The following CCDC60 variants were observed in gnomAD, a reference collection of about 807,000 sequenced individuals.
CCDC60 encodes the protein coiled-coil domain-containing protein 60.
In CCDC60, 54 loss-of-function variants were observed where a neutral mutation model predicts 63.5. The ratio of observed to expected loss-of-function variants is 0.85; its 90% CI spans 0.68 to 1.07. The LOEUF is 1.07. CCDC60 is among the 50% of genes least tolerant of loss of function. The probability of loss-of-function intolerance (pLI) is 0.00; values close to 1 mark genes in which losing one functional copy is unlikely to be tolerated. For synonymous variants in CCDC60, 206 were observed against 238.8 expected (o/e 0.86, Z 1.27); for missense variants, 651 against 684.3 (o/e 0.95, Z 0.54).
At chr12:119,461,734 G>A (rs577614698) in intron 2 of CCDC60, among the ~76,000 whole-genome samples, 2 of 152,154 alleles carry the variant, frequency 1.3e-5, no homozygotes, top group South Asian at 2.1e-4. Flanking sequence ...GTTTTACATC[G>A]CACAAAGCAG....
intron 4 of CCDC60, among the ~76,000 whole-genome samples, chr12:119,480,738 C>A (rs557309326): frequency 6.6e-6 from 1 of 150,890 alleles, no homozygotes; most frequent in South Asian, 2.1e-4. Flanking sequence ...CCACCATCAT[C>A]ATCACCATCA....
At chr12:119,349,617 G>A (rs1955634377) in intron 1 of CCDC60, among the ~76,000 whole-genome samples, 1 of 150,970 alleles carries the variant, frequency 6.6e-6, no homozygotes, top group Non-Finnish European at 1.5e-5. Context: ...TGGATTATAG[G>A]CGTGAGCCAC....
At chr12:119,345,462 AC>A (rs1955581768) in intron 1 of CCDC60, among the ~76,000 whole-genome samples, 2 of 152,124 alleles carry the variant, frequency 1.3e-5, no homozygotes, top group Non-Finnish European at 2.9e-5. Context: ...AGATCATGCC[AC>A]TGCACTCCAG....
At chr12:119,396,738 C>G (rs1956262277) in intron 1 of CCDC60, among the ~76,000 whole-genome samples, 1 of 152,094 alleles carries the variant, frequency 6.6e-6, no homozygotes, top group East Asian at 1.9e-4. Flanking sequence ...AATAATTAGA[C>G]AAGTGTCTGG....
intron 1 of CCDC60, among the ~76,000 whole-genome samples, chr12:119,382,328 G>A (rs1352834369): frequency 1.3e-5 from 2 of 152,172 alleles, no homozygotes; most frequent in Non-Finnish European, 2.9e-5. Flanking sequence ...CTGATGCTCG[G>A]CTGTGTGACA....
chr12:119,457,047 T>C (rs1950762128), intron 2 of CCDC60, among the ~76,000 whole-genome samples: 1 of 152,196 alleles, frequency 6.6e-6, no homozygotes, highest in Non-Finnish European at 1.5e-5. Flanking sequence ...ACAAGCAATC[T>C]TTCTGTTCTA....
intron 1 of CCDC60, among the ~76,000 whole-genome samples, chr12:119,390,103 T>C (rs919716235): frequency 2.0e-5 from 3 of 152,230 alleles, no homozygotes; most frequent in Admixed American, 1.3e-4. Context: ...CACTATTACA[T>C]GTAATGCTAC....
intron 11 of CCDC60, 64 bp downstream of exon 11, chr12:119,523,882 C>G: frequency 6.6e-7 from 1 of 1,522,674 alleles, no homozygotes; most frequent in Non-Finnish European, 9.0e-7. Flanking sequence ...ATATGCCTGC[C>G]AGGTGCCAGG....
At chr12:119,404,992 A>C (rs1956460787) in intron 1 of CCDC60, among the ~76,000 whole-genome samples, 1 of 152,210 alleles carries the variant, frequency 6.6e-6, no homozygotes, top group East Asian at 1.9e-4. Context: ...ACCCCAGGAA[A>C]GCATGAAAAT....
intron 7 of CCDC60, among the ~76,000 whole-genome samples, chr12:119,513,456 T>A (rs1593198271): frequency 6.6e-6 from 1 of 152,186 alleles, no homozygotes; most frequent in Non-Finnish European, 1.5e-5. Context: ...GTGCTGGCAA[T>A]CCTTGGCATT....
At chr12:119,468,084 C>T (rs548845245) in intron 2 of CCDC60, among the ~76,000 whole-genome samples, 84 of 151,354 alleles carry the variant, frequency 5.5e-4, no homozygotes, top group Non-Finnish European at 1.1e-3. Flanking sequence ...ACCAGCCTGG[C>T]CAATATAGTG....
At chr12:119,479,548 C>T (rs886436890) in intron 4 of CCDC60, 1 of 222,364 alleles carries the variant, frequency 4.5e-6, no homozygotes, top group Non-Finnish European at 8.9e-6. Flanking sequence ...TTCCCCAAGA[C>T]TCAAGGAGCT....
At chr12:119,433,039 C>A (rs2136241065) in intron 2 of CCDC60, among the ~76,000 whole-genome samples, 1 of 152,278 alleles carries the variant, frequency 6.6e-6, no homozygotes, top group South Asian at 2.1e-4. Flanking sequence ...GCTCTGTGTT[C>A]ACTGACGTCA....
intron 2 of CCDC60, among the ~76,000 whole-genome samples, chr12:119,468,127 T>C (rs187376933): frequency 2.2e-3 from 339 of 151,564 alleles, no homozygotes; most frequent in African/African-American, 7.7e-3. Flanking sequence ...AAAAATAAAA[T>C]AAATAAATAA....
At chr12:119,468,635 C>A (rs1950998724) in intron 2 of CCDC60, among the ~76,000 whole-genome samples, 1 of 151,992 alleles carries the variant, frequency 6.6e-6, no homozygotes, top group African/African-American at 2.4e-5. Flanking sequence ...TGAGTCTAAA[C>A]CACCATCAAA....
At chr12:119,370,980 C>T (rs1490033837) in intron 1 of CCDC60, among the ~76,000 whole-genome samples, 1 of 152,130 alleles carries the variant, frequency 6.6e-6, no homozygotes, top group East Asian at 1.9e-4. Context: ...TGCAGTGAGC[C>T]ATGACCATAG....
At position 119,417,492 on chromosome 12, in the gene CCDC60, C is replaced by G. The variant is rs148195448; in HGVS notation, c.91-11191C>G. Reference sequence around the variant, plus strand: ...CTTTTATTGGCTTTTGGCTGACAGGCAGGCATACAATCCTCCTTCCCAGAG... The same window carrying G: ...CTTTTATTGGCTTTTGGCTGACAGGGAGGCATACAATCCTCCTTCCCAGAG... On this transcript the variant is annotated intron_variant, in intron 1 of 13. Coordinates refer to ENST00000327554, the MANE Select transcript of CCDC60 (RefSeq NM_178499.5). 7.8e-4 allele frequency among the ~76,000 whole-genome samples: 119 copies of G among 152,194 alleles called. 1 individual carries two copies. In the East Asian group the frequency reaches 0.021, roughly 26 times the overall value.
intron 2 of CCDC60, among the ~76,000 whole-genome samples, chr12:119,443,917 C>G (rs1049257696): frequency 6.6e-6 from 1 of 152,186 alleles, no homozygotes; most frequent in Non-Finnish European, 1.5e-5. Context: ...AATGAGTTAA[C>G]ATGCACATAC....
chr12:119,491,179 A>T (rs973924042), intron 5 of CCDC60, among the ~76,000 whole-genome samples: 1 of 152,224 alleles, frequency 6.6e-6, no homozygotes, highest in African/African-American at 2.4e-5. Flanking sequence ...AGGTTTACAC[A>T]TTCTTTCAAT....
Sources: allele counts gnomAD v4.1 joint callset (sites outside exome capture counted in the v4.1 genomes callset), GRCh38; gene constraint gnomAD v4.1.1; transcripts MANE v1.5; gene names NCBI Gene and HGNC (gene_info 2026-07-23, HGNC 2026-07-21).